The following MSI2 variants were observed in gnomAD, a reference collection of about 807,000 sequenced individuals.
MSI2 encodes the protein musashi RNA binding protein 2, also known as RNA-binding protein Musashi homolog 2.
In MSI2, 17 loss-of-function variants were observed where a neutral mutation model predicts 45.6. The ratio of observed to expected loss-of-function variants is 0.37; its 90% confidence interval spans 0.26 to 0.56. MSI2 has a LOEUF of 0.56. Ranked by LOEUF, MSI2 falls within the 20% of genes least tolerant of loss-of-function variation. The pLI is 0.77. For missense variants in MSI2, 293 were observed against 444.2 expected (o/e 0.66, Z 3.06); for synonymous variants, 156 against 158.2 (o/e 0.99, Z 0.11).
chr17:57,447,554 C>G (rs1344565166), intron 6 of MSI2, among the ~76,000 whole-genome samples: 1 of 151,884 alleles, frequency 6.6e-6, no homozygotes, highest in East Asian at 1.9e-4. Context: ...CAGTCAAGCC[C>G]TGGGTTGGAT....
In MSI2 at chr17:57,616,000, G is replaced by A; in HGVS notation, c.568G>A (p.Val190Ile). 1.9e-6 allele frequency: 3 copies of A among 1,614,184 alleles called. No homozygotes were observed. The highest frequency in any genetic ancestry group is 2.5e-6 in the Non-Finnish European group (3 of 1,180,006). ...VECKKAQPKE[V>I]MFPPGTRGRA... ...ATGTAAGAAAGCTCAGCCGAAAGAA[G>A]TCATGTTCCCACCTGGGACAAGAGG... The change falls in exon 9 of 14, where the codon GTC becomes ATC. Residue 190 changes from valine (V) to isoleucine (I), a missense_variant. Physicochemically the swap from Val to Ile is conservative, Grantham distance 29. Transcript: ENST00000284073.
intron 2 of MSI2, 84 bp downstream of exon 2, chr17:57,257,222 C>CA: frequency 2.1e-6 from 1 of 484,684 alleles, no homozygotes; most frequent in Non-Finnish European, 3.2e-6. Context: ...AGGAGCCCCC[C>CA]CCCCCCCGCC....
intron 6 of MSI2, among the ~76,000 whole-genome samples, chr17:57,405,993 A>G (rs990887760): frequency 1.3e-5 from 2 of 152,114 alleles, no homozygotes; most frequent in Non-Finnish European, 2.9e-5. Context: ...TTTGTGCACA[A>G]CCTACCCTTC....
intron 11 of MSI2, among the ~76,000 whole-genome samples, chr17:57,674,742 A>G (rs1913094430): frequency 6.6e-6 from 1 of 152,140 alleles, no homozygotes; most frequent in South Asian, 2.1e-4. Flanking sequence ...TGGAGCTCCA[A>G]GCTTCTTAGT....
At chr17:57,677,732 C>A (rs1413107750) in intron 13 of MSI2, among the ~76,000 whole-genome samples, 4 of 152,240 alleles carry the variant, frequency 2.6e-5, no homozygotes, top group Non-Finnish European at 4.4e-5. Context: ...ACCTTTTAAA[C>A]TGAGCTCAAG....
At chr17:57,275,506 G>A (rs963981603) in intron 5 of MSI2, among the ~76,000 whole-genome samples, 3 of 152,208 alleles carry the variant, frequency 2.0e-5, no homozygotes, top group Non-Finnish European at 4.4e-5. Flanking sequence ...CTCAGGAAAT[G>A]AACACAGTTC....
chr17:57,651,428 CAT>C (rs1027705161), intron 10 of MSI2, among the ~76,000 whole-genome samples: 2 of 152,078 alleles, frequency 1.3e-5, no homozygotes, highest in African/African-American at 4.8e-5. Context: ...GCTCACCCCA[CAT>C]AGACCCCTGC....
At chr17:57,283,693 A>G (rs1909618240) in intron 5 of MSI2, among the ~76,000 whole-genome samples, 1 of 152,254 alleles carries the variant, frequency 6.6e-6, no homozygotes, top group African/African-American at 2.4e-5. Flanking sequence ...GGAGGAGAAA[A>G]TTAGGCTCCA....
Position 57,257,012 on chromosome 17 carries a change from C to A in MSI2, c.63-86C>A, listed in dbSNP as rs375033911. On this transcript the variant is annotated intron_variant, in intron 1 of 13. Transcript: ENST00000284073. Reference sequence around the variant, plus strand: ...CGGCTCTCGCTCGCTCGCTCCCCCCCGCTTTCCTTTTAGCTTTTGTAAGTT... The same window carrying A: ...CGGCTCTCGCTCGCTCGCTCCCCCCAGCTTTCCTTTTAGCTTTTGTAAGTT... The A allele has an allele frequency of 2.9e-5, 47 of 1,603,868 alleles. No individual in the cohort carries two copies. Among genetic ancestry groups the A allele is most frequent in the African/African-American group, 1.9e-4 (14 of 73,278 alleles).
At chr17:57,509,379 G>A (rs1286627611) in intron 6 of MSI2, among the ~76,000 whole-genome samples, 2 of 152,144 alleles carry the variant, frequency 1.3e-5, no homozygotes, top group Non-Finnish European at 1.5e-5. Flanking sequence ...AGAATATTGA[G>A]TCGGCCTCAC....
chr17:57,490,578 C>T (rs188401820), intron 6 of MSI2, among the ~76,000 whole-genome samples: 3 of 152,320 alleles, frequency 2.0e-5, no homozygotes, highest in African/African-American at 7.2e-5. Context: ...ATGGTTGGGA[C>T]AGAAGTTGTA....
chr17:57,326,317 C>A (rs1156546439), intron 5 of MSI2, among the ~76,000 whole-genome samples: 1 of 152,022 alleles, frequency 6.6e-6, no homozygotes, highest in African/African-American at 2.4e-5. Context: ...TTACTCCCAG[C>A]GGGTTTGATC....
At chr17:57,513,018 G>C (rs1799652636) in intron 6 of MSI2, among the ~76,000 whole-genome samples, 1 of 128,714 alleles carries the variant, frequency 7.8e-6, no homozygotes, top group South Asian at 2.6e-4. Flanking sequence ...CTGTCTCCCA[G>C]GCTGGAGTGA....
intron 7 of MSI2, among the ~76,000 whole-genome samples, chr17:57,589,645 G>A (rs1200616170): frequency 3.9e-5 from 6 of 152,316 alleles, no homozygotes; most frequent in East Asian, 1.9e-4. Flanking sequence ...TTGCCAGGCC[G>A]GTCCCTCTCA....
At chr17:57,603,162 A>C (rs1429810351) in intron 8 of MSI2, among the ~76,000 whole-genome samples, 1 of 152,174 alleles carries the variant, frequency 6.6e-6, no homozygotes, top group Non-Finnish European at 1.5e-5. Flanking sequence ...ATTTCCGAAG[A>C]TCTCCCAGAG....
intron 10 of MSI2, among the ~76,000 whole-genome samples, chr17:57,645,755 C>A: frequency 6.6e-6 from 1 of 152,068 alleles, no homozygotes; most frequent in East Asian, 1.9e-4. Flanking sequence ...GTCCCAGTGC[C>A]GAGGCTGCTC....
At chr17:57,257,344 A>C in intron 2 of MSI2, 122 bp from the exon 3 acceptor site, 1 of 684,092 alleles carries the variant, frequency 1.5e-6, no homozygotes, top group South Asian at 2.1e-5. Context: ...CAAAAAATGC[A>C]AAAACAAAAC....
intron 5 of MSI2, among the ~76,000 whole-genome samples, chr17:57,322,877 G>A (rs188657985): frequency 0.013 from 1,930 of 152,214 alleles, 42 homozygotes; most frequent in African/African-American, 0.044. Context: ...CACCTGGGGG[G>A]TTCCCAGGTG....
intron 7 of MSI2, among the ~76,000 whole-genome samples, chr17:57,547,741 TACACACACACACACACACACACAC>T (rs34631177): frequency 8.1e-6 from 1 of 123,312 alleles, no homozygotes; most frequent in African/African-American, 2.9e-5. Context: ...AGACAAAAAG[TACACACACACACACACACACACAC>T]ACACACACAC....
Sources: gnomAD v4.1 joint callset for allele counts (sites outside exome capture counted in the v4.1 genomes callset) on GRCh38, gnomAD v4.1.1 for gene constraint, MANE v1.5 for transcripts, NCBI Gene and HGNC (gene_info 2026-07-23, HGNC 2026-07-21) for gene names.